Variants in NCALD observed in about 807,000 individuals in gnomAD.
The protein encoded by NCALD is neurocalcin delta.
NCALD carries 10 observed loss-of-function variants against 18.6 expected under a neutral mutation model. The observed-to-expected ratio is 0.54, with a 90% CI of 0.33 to 0.91. The LOEUF is 0.91. NCALD is among the 40% of genes least tolerant of loss of function. The pLI, the probability that NCALD is intolerant of heterozygous loss-of-function variation, is 0.03. For missense variants in NCALD, 184 were observed against 247.6 expected (o/e 0.74, Z 1.72); for synonymous variants, 88 against 87.4 (o/e 1.01, Z -0.04).
chr8:101,747,340 T>G (rs985502275), intron 1 of NCALD, among the ~76,000 whole-genome samples: 2 of 152,164 alleles, frequency 1.3e-5, no homozygotes, highest in Non-Finnish European at 2.9e-5. Flanking sequence ...AGAGTCTCCT[T>G]GCTAATAAGA....
intron 4 of NCALD, among the ~76,000 whole-genome samples, chr8:101,829,852 T>A (rs1814095230): frequency 6.6e-6 from 1 of 152,176 alleles, no homozygotes; most frequent in African/African-American, 2.4e-5. Context: ...TCTCTCTCTA[T>A]TCCAACAGTA....
chr8:101,908,610 T>A (rs1817689302), intron 3 of NCALD, among the ~76,000 whole-genome samples: 1 of 152,170 alleles, frequency 6.6e-6, no homozygotes. Flanking sequence ...AACTCCTGCA[T>A]CTTCTACCCT....
At chr8:102,007,060 C>T (rs1361420032) in intron 2 of NCALD, among the ~76,000 whole-genome samples, 1 of 152,006 alleles carries the variant, frequency 6.6e-6, no homozygotes, top group Non-Finnish European at 1.5e-5. Context: ...AATGCAGATT[C>T]AAGGAAAGAC....
chr8:102,114,934 C>A (rs1825740221), intron 1 of NCALD, among the ~76,000 whole-genome samples: 2 of 152,168 alleles, frequency 1.3e-5, no homozygotes, highest in Admixed American at 1.3e-4. Flanking sequence ...AGTTAAGGTG[C>A]CAGGTAGGTA....
intron 4 of NCALD, among the ~76,000 whole-genome samples, chr8:101,853,076 C>T (rs1815163868): frequency 6.6e-6 from 1 of 152,156 alleles, no homozygotes; most frequent in East Asian, 1.9e-4. Flanking sequence ...CCATCACTCA[C>T]TACCTTTCAT....
chr8:101,692,764 C>T, intron 3 of NCALD, 27 bp downstream of exon 3: 1 of 1,585,700 alleles, frequency 6.3e-7, no homozygotes, highest in Non-Finnish European at 8.7e-7. Flanking sequence ...CCCATCTGAG[C>T]AAAGCAGTGT....
intron 4 of NCALD, among the ~76,000 whole-genome samples, chr8:101,848,788 C>T (rs556959421): frequency 7.5e-4 from 114 of 152,214 alleles, no homozygotes; most frequent in African/African-American, 2.6e-3. Context: ...TGTTCTACAA[C>T]ATTGCTTCTA....
At chr8:102,116,634 C>T (rs532649501) in intron 1 of NCALD, among the ~76,000 whole-genome samples, 4 of 152,210 alleles carry the variant, frequency 2.6e-5, no homozygotes, top group African/African-American at 9.6e-5. Flanking sequence ...GGGTGCATGC[C>T]AAGAGGCCTA....
chr8:101,749,940 C>CA (rs1810582593), intron 1 of NCALD: 1 of 152,406 alleles, frequency 6.6e-6, no homozygotes, highest in Non-Finnish European at 1.5e-5. Context: ...TGTCTGTTCT[C>CA]ATGCTGCTAA....
intron 4 of NCALD, among the ~76,000 whole-genome samples, chr8:101,884,478 T>A (rs1316696964): frequency 6.6e-6 from 1 of 152,192 alleles, no homozygotes; most frequent in Non-Finnish European, 1.5e-5. Context: ...TCTAGAAACA[T>A]AATCTATTAC....
chr8:102,084,393 C>T (rs1240819109), intron 1 of NCALD, among the ~76,000 whole-genome samples: 1 of 152,164 alleles, frequency 6.6e-6, no homozygotes, highest in Non-Finnish European at 1.5e-5. Flanking sequence ...GGAATGAAAG[C>T]TTATTAAGAA....
At chr8:101,922,243 T>C (rs1338698374) in intron 2 of NCALD, among the ~76,000 whole-genome samples, 1 of 151,214 alleles carries the variant, frequency 6.6e-6, no homozygotes, top group Non-Finnish European at 1.5e-5. Flanking sequence ...AAATGAGCAG[T>C]GACTAGAGCT....
intron 1 of NCALD, among the ~76,000 whole-genome samples, chr8:102,086,363 C>A (rs996987455): frequency 6.6e-6 from 1 of 152,186 alleles, no homozygotes; most frequent in Admixed American, 6.5e-5. Flanking sequence ...ACCTGTAGAA[C>A]AGAGGCCTCT....
intron 1 of NCALD, among the ~76,000 whole-genome samples, chr8:101,739,796 C>T (rs1325215590): frequency 6.6e-6 from 1 of 152,188 alleles, no homozygotes; most frequent in Non-Finnish European, 1.5e-5. Flanking sequence ...GGACTGGCTT[C>T]TCTGTTCCTC....
chr8:101,753,560 G>C (rs1446497563), intron 1 of NCALD, among the ~76,000 whole-genome samples: 1 of 152,180 alleles, frequency 6.6e-6, no homozygotes, highest in Non-Finnish European at 1.5e-5. Flanking sequence ...GCGTAAGGCA[G>C]TTACAATAAC....
At chr8:101,690,337 C>T in intron 3 of NCALD, 16 of 982,812 alleles carry the variant, frequency 1.6e-5, no homozygotes, top group Non-Finnish European at 1.9e-5. Context: ...GGAGGAATTG[C>T]TGGGCATCTC....
chr8:101,812,566 TAA>T (rs1813345577), intron 4 of NCALD, among the ~76,000 whole-genome samples: 2 of 152,176 alleles, frequency 1.3e-5, no homozygotes, highest in East Asian at 1.9e-4. Context: ...CAGTTGACAG[TAA>T]AGAGAGTCAA....
chr8:102,036,267 G>A (rs1189477357), intron 1 of NCALD, among the ~76,000 whole-genome samples: 1 of 151,664 alleles, frequency 6.6e-6, no homozygotes, highest in East Asian at 1.9e-4. Flanking sequence ...GCAGTGTCCT[G>A]AGATCTAACC....
intron 2 of NCALD, among the ~76,000 whole-genome samples, chr8:101,920,972 T>C (rs1818144248): frequency 6.6e-6 from 1 of 152,224 alleles, no homozygotes; most frequent in Non-Finnish European, 1.5e-5. Flanking sequence ...AATATTATAT[T>C]GGTTAGACTC....
Sources: allele counts gnomAD v4.1 joint callset (sites outside exome capture counted in the v4.1 genomes callset), GRCh38; gene constraint gnomAD v4.1.1; transcripts MANE v1.5; gene names NCBI Gene and HGNC (gene_info 2026-07-23, HGNC 2026-07-21).